WDPCP: variants seen among roughly 807,000 people sequenced by gnomAD.
WDPCP encodes WD repeat containing planar cell polarity effector, also known as WD repeat-containing and planar cell polarity effector protein fritz homolog.
Under a neutral mutation model 93.1 loss-of-function variants are expected in WDPCP, and 71 were observed. The observed-to-expected ratio is 0.76, with a 90% confidence interval of 0.63 to 0.93. The LOEUF (loss-of-function observed/expected upper bound fraction) is 0.93, where lower values mean the gene tolerates loss of function less well. Ranked by LOEUF, WDPCP falls within the 40% of genes least tolerant of loss-of-function variation. The probability of loss-of-function intolerance (pLI) is 0.00; values close to 1 mark genes in which losing one functional copy is unlikely to be tolerated. For missense variants in WDPCP, 844 were observed against 887.4 expected (o/e 0.95, Z 0.62); for synonymous variants, 315 against 315.0 (o/e 1.00, Z 0.00).
intron 2 of WDPCP, among the ~76,000 whole-genome samples, chr2:63,729,886 A>G (rs1290840909): frequency 6.6e-6 from 1 of 152,146 alleles, no homozygotes; most frequent in Non-Finnish European, 1.5e-5. Context: ...ATGCTCCTGT[A>G]TTATTTTCTT....
intron 12 of WDPCP, among the ~76,000 whole-genome samples, chr2:63,326,339 T>C (rs988800196): frequency 4.6e-5 from 7 of 152,078 alleles, no homozygotes; most frequent in African/African-American, 1.7e-4. Flanking sequence ...TTAACCTATA[T>C]GTTGATGGAG....
intron 12 of WDPCP, among the ~76,000 whole-genome samples, chr2:63,327,427 C>A (rs1018116293): frequency 1.3e-5 from 2 of 152,132 alleles, no homozygotes; most frequent in Admixed American, 6.5e-5. Flanking sequence ...TATCCTATTA[C>A]CACACACTCT....
At chr2:63,637,795 C>A (rs970008224) in intron 3 of WDPCP, among the ~76,000 whole-genome samples, 4 of 152,006 alleles carry the variant, frequency 2.6e-5, no homozygotes, top group African/African-American at 9.7e-5. Flanking sequence ...CAAGCGTTGG[C>A]AAAAATGTGG....
intron 1 of WDPCP, among the ~76,000 whole-genome samples, chr2:63,533,718 A>C (rs957837864): frequency 2.6e-5 from 4 of 152,336 alleles, no homozygotes; most frequent in Admixed American, 1.3e-4. Context: ...CAGTGTGTAG[A>C]GGGAAATTTA....
At chr2:63,439,980 T>G in intron 6 of WDPCP, 109 bp from the exon 7 acceptor site, 3 of 755,570 alleles carry the variant, frequency 4.0e-6, no homozygotes, top group South Asian at 3.1e-5. Flanking sequence ...TACACATGCA[T>G]CTACACTACA....
chr2:63,434,018 T>C (rs1696960976), intron 8 of WDPCP, 82 bp from the exon 9 acceptor site: 2 of 1,421,516 alleles, frequency 1.4e-6, no homozygotes, highest in Non-Finnish European at 9.7e-7. Flanking sequence ...TTAAAGCATC[T>C]GGAAATGTAG....
chr2:63,143,316 G>T (rs1003150241), intron 17 of WDPCP, among the ~76,000 whole-genome samples: 2 of 152,102 alleles, frequency 1.3e-5, no homozygotes, highest in Non-Finnish European at 2.9e-5. Flanking sequence ...GAGTCCTTAT[G>T]TGTTAGGTGA....
At chr2:63,468,381 A>G (rs895685479) in intron 6 of WDPCP, among the ~76,000 whole-genome samples, 1 of 152,154 alleles carries the variant, frequency 6.6e-6, no homozygotes, top group African/African-American at 2.4e-5. Context: ...GCATGTATAA[A>G]TTGTTAAAAT....
At chr2:63,145,949 G>A (rs2103752815) in intron 17 of WDPCP, among the ~76,000 whole-genome samples, 1 of 152,244 alleles carries the variant, frequency 6.6e-6, no homozygotes, top group East Asian at 1.9e-4. Flanking sequence ...ATTCCTAGGT[G>A]TTTTATTCTT....
intron 14 of WDPCP, among the ~76,000 whole-genome samples, chr2:63,258,229 G>A (rs1681301625): frequency 6.6e-6 from 1 of 152,142 alleles, no homozygotes; most frequent in African/African-American, 2.4e-5. Context: ...ATCCAATACT[G>A]CATTAATAGT....
At chr2:63,814,022 A>T (rs1037806671) in intron 1 of WDPCP, among the ~76,000 whole-genome samples, 4 of 152,242 alleles carry the variant, frequency 2.6e-5, no homozygotes, top group Non-Finnish European at 5.9e-5. Flanking sequence ...CTGTTTCTGA[A>T]CAAATGAGGA....
chr2:63,746,643 G>T (rs1669802334), intron 2 of WDPCP, among the ~76,000 whole-genome samples: 1 of 152,184 alleles, frequency 6.6e-6, no homozygotes, highest in Admixed American at 6.5e-5. Context: ...GCCTTATGCA[G>T]ATGTAGATAG....
At chr2:63,211,747 G>C (rs540441783) in intron 14 of WDPCP, among the ~76,000 whole-genome samples, 1 of 152,244 alleles carries the variant, frequency 6.6e-6, no homozygotes, top group Non-Finnish European at 1.5e-5. Flanking sequence ...TGGCTAACTA[G>C]AATCAACAGT....
chr2:63,190,040 G>A (rs1288289680), intron 14 of WDPCP, among the ~76,000 whole-genome samples: 1 of 152,126 alleles, frequency 6.6e-6, no homozygotes, highest in Non-Finnish European at 1.5e-5. Context: ...ATATAAAGAT[G>A]AAGCAGACAT....
intron 17 of WDPCP, among the ~76,000 whole-genome samples, chr2:63,150,921 T>G (rs1671846872): frequency 6.6e-6 from 1 of 152,202 alleles, no homozygotes; most frequent in South Asian, 2.1e-4. Flanking sequence ...CCTGTTATAA[T>G]CTGTATCTTA....
At chr2:63,659,712 G>T (rs1233627618) in intron 2 of WDPCP, among the ~76,000 whole-genome samples, 1 of 152,144 alleles carries the variant, frequency 6.6e-6, no homozygotes, top group Non-Finnish European at 1.5e-5. Context: ...CTAGTGTGTG[G>T]CAATTTGTTA....
chr2:63,549,380 T>C (rs1228985022), intron 1 of WDPCP, among the ~76,000 whole-genome samples: 1 of 151,956 alleles, frequency 6.6e-6, no homozygotes, highest in Non-Finnish European at 1.5e-5. Context: ...AATTAATGAA[T>C]TCAGAAACAA....
chr2:63,573,315 G>T (rs1415204150), intron 1 of WDPCP, among the ~76,000 whole-genome samples: 1 of 152,122 alleles, frequency 6.6e-6, no homozygotes, highest in Non-Finnish European at 1.5e-5. Flanking sequence ...AACTTGTTGT[G>T]GGAAGTCAGG....
At chr2:63,676,618 G>A (rs900265638) in intron 2 of WDPCP, among the ~76,000 whole-genome samples, 4 of 152,078 alleles carry the variant, frequency 2.6e-5, no homozygotes, top group Admixed American at 6.5e-5. Context: ...TCTAACAATC[G>A]TGGAACAATT....
Sources: gnomAD v4.1 joint callset for allele counts (sites outside exome capture counted in the v4.1 genomes callset) on GRCh38, gnomAD v4.1.1 for gene constraint, MANE v1.5 for transcripts, NCBI Gene and HGNC (gene_info 2026-07-23, HGNC 2026-07-21) for gene names.